The following LHX6 variants were observed in gnomAD, a reference collection of about 807,000 sequenced individuals.
LHX6 encodes LIM homeobox 6.
A neutral mutation model predicts 47.1 loss-of-function variants in LHX6; 15 were observed. That is an observed-to-expected ratio of 0.32 (90% CI 0.21 to 0.49). The LOEUF is 0.49. Among genes scored for constraint, LHX6 ranks in the 20% least tolerant of loss-of-function variants. The pLI is 0.99. For synonymous variants in LHX6, 242 were observed against 233.5 expected (o/e 1.04, Z -0.33); for missense variants, 404 against 539.6 (o/e 0.75, Z 2.49).
chr9:122,217,010 G>T lies in LHX6; in HGVS notation c.682+58C>A, dbSNP rs1183021174. On this transcript the variant is annotated intron_variant, in intron 5 of 9. Coordinates refer to ENST00000394319, the MANE Select transcript of LHX6 (RefSeq NM_014368.5). This position sits in a 1 kb window ranked among gnomAD's most constrained non-coding sequence, Gnocchi z 4.9. The stretch of plus-strand genomic sequence containing the variant: ...TGTGGGTGGTTCCTGGGGTGCTGGG[G>T]TGGGGTGGGGTGGGAAAGGGCTGGG... The T allele has an allele frequency of 8.6e-6, 12 of 1,393,372 alleles. No homozygotes were observed. Among genetic ancestry groups the T allele is most frequent in the Non-Finnish European group, 1.2e-5 (12 of 992,400 alleles). 86.3% of individuals were successfully genotyped at this position (1,393,372 alleles called of 1,614,324 possible).
chr9:122,218,200 T>C (rs1830668753), intron 4 of LHX6, among the ~76,000 whole-genome samples: 1 of 152,044 alleles, frequency 6.6e-6, no homozygotes, highest in South Asian at 2.1e-4. Flanking sequence ...TCTGGTTTAC[T>C]CCATCCCAGA....
intron 8 of LHX6, among the ~76,000 whole-genome samples, chr9:122,212,741 G>T (rs1051416574): frequency 6.6e-6 from 1 of 151,900 alleles, no homozygotes; most frequent in Admixed American, 6.5e-5. Context: ...TCCCTGCCAC[G>T]GACATGCCTG....
chr9:122,213,837 G>T lies in LHX6; in HGVS notation c.880-57C>A. ...GAGGAAAAGAGTCGGACGCGCCGCC[G>T]GGAGACCCCAGGCGGGACTGCCTCG... On this transcript the variant is annotated intron_variant, in intron 7 of 9. Coordinates refer to ENST00000394319, the MANE Select transcript of LHX6 (RefSeq NM_014368.5). This position sits in a 1 kb window ranked among gnomAD's most constrained non-coding sequence, Gnocchi z 5.5. 6.5e-7 allele frequency: 1 copy of T among 1,539,282 alleles called. No individual in the cohort carries two copies.
In LHX6 at chr9:122,227,471, G is replaced by C. The variant is rs766793975; in HGVS notation, c.94C>G (p.Gln32Glu). The change falls in exon 2 of 10, where the codon CAG becomes GAG. Residue 32 changes from glutamine (Q) to glutamate (E), a missense_variant. Physicochemically the swap from Gln to Glu is conservative, Grantham distance 29. Transcript: ENST00000394319. ...GGPATDQVMA[Q>E]PGSGCKATTR... ...GTCGCTTTGCAGCCGGACCCTGGCTGGGCCATCACCTGGGGGAGGGGGGGA... is the reference window on the plus strand; with the variant it reads ...GTCGCTTTGCAGCCGGACCCTGGCTCGGCCATCACCTGGGGGAGGGGGGGA... The C allele has an allele frequency of 3.9e-6, 6 of 1,527,184 alleles. No homozygotes were observed. The East Asian group carries it at 1.5e-4, about 39-fold the overall frequency. 94.6% of individuals were successfully genotyped at this position (1,527,184 alleles called of 1,614,324 possible).
chr9:122,209,533 A>C, intron 9 of LHX6, 81 bp downstream of exon 9: 1 of 1,593,324 alleles, frequency 6.3e-7, no homozygotes, highest in Non-Finnish European at 8.5e-7. Flanking sequence ...ATGGTACCAA[A>C]TGGTTAACAG....
chr9:122,221,819 C>T (rs939980671), intron 4 of LHX6: 19 of 620,092 alleles, frequency 3.1e-5, no homozygotes, highest in East Asian at 1.4e-4. Context: ...GATGCACAGA[C>T]GGGTGGCTGA....
intron 1 of LHX6, chr9:122,227,999 G>T: frequency 4.3e-6 from 1 of 234,470 alleles, no homozygotes; most frequent in South Asian, 3.7e-5. Flanking sequence ...TCTCCTCTCG[G>T]CACAAAATGC....
chr9:122,217,392 A>T lies in LHX6; in HGVS notation c.462-104T>A, dbSNP rs1830636061. On this transcript the variant is annotated intron_variant, in intron 4 of 9. Coordinates refer to ENST00000394319, the MANE Select transcript of LHX6 (RefSeq NM_014368.5). The surrounding 1 kb of genome is among the most constrained non-coding windows in gnomAD (Gnocchi z 4.9). Reference sequence around the variant, plus strand: ...CCAGCCCCCAGGCTCCTGGCCTCTAAGTCTTCAACTCAGGCATTAGCCTTA... The same window carrying T: ...CCAGCCCCCAGGCTCCTGGCCTCTATGTCTTCAACTCAGGCATTAGCCTTA... 4 of 864,190 alleles carry T rather than the reference A, an allele frequency of 4.6e-6. No individual in the cohort carries two copies. Among genetic ancestry groups the T allele is most frequent in the Non-Finnish European group, 7.2e-6 (4 of 558,882 alleles). 53.5% of individuals were successfully genotyped at this position (864,190 alleles called of 1,614,324 possible).
chr9:122,227,901 A>C (rs1227381614), intron 1 of LHX6: 1 of 347,974 alleles, frequency 2.9e-6, no homozygotes, highest in East Asian at 6.4e-5. Flanking sequence ...AAAGAATTGC[A>C]AATTTGATTT....
Sources: gnomAD v4.1 joint callset for allele counts (sites outside exome capture counted in the v4.1 genomes callset) on GRCh38, gnomAD v4.1.1 for gene constraint, Gnocchi (gnomAD v3.1) non-coding constraint, MANE v1.5 for transcripts, NCBI Gene and HGNC (gene_info 2026-07-23, HGNC 2026-07-21) for gene names.